The following ZNRF1 variants were observed in gnomAD, a reference collection of about 807,000 sequenced individuals.
The protein encoded by ZNRF1 is E3 ubiquitin-protein ligase ZNRF1.
ZNRF1 carries 3 observed loss-of-function variants against 18.4 expected under a neutral mutation model. The observed-to-expected ratio is 0.16, with a 90% CI of 0.07 to 0.42. ZNRF1 has a LOEUF of 0.42. Among genes scored for constraint, ZNRF1 ranks in the 10% least tolerant of loss-of-function variants. ZNRF1 has a pLI of 0.99. For synonymous variants in ZNRF1, 157 were observed against 144.2 expected, an observed-to-expected ratio of 1.09 and a Z score of -0.64; for missense variants, 310 against 329.8, an observed-to-expected ratio of 0.94 and a Z score of 0.47.
chr16:75,026,244 T>G (rs1028920785), intron 1 of ZNRF1, among the ~76,000 whole-genome samples: 7 of 152,154 alleles, frequency 4.6e-5, no homozygotes, highest in African/African-American at 1.7e-4. Context: ...AAGAAAAACA[T>G]TCTAAGGTTA....
intron 1 of ZNRF1, chr16:75,000,399 G>C (rs548667910): frequency 1.7e-6 from 1 of 571,810 alleles, no homozygotes; most frequent in South Asian, 1.5e-5. Flanking sequence ...GTCGTGTCTG[G>C]CTGAGAGCAA....
chr16:75,016,005 C>T (rs1261698421), intron 1 of ZNRF1, among the ~76,000 whole-genome samples: 3 of 150,798 alleles, frequency 2.0e-5, no homozygotes, highest in Non-Finnish European at 4.4e-5. Flanking sequence ...ACTGCAAGCT[C>T]CGCCTCCCGG....
intron 1 of ZNRF1, among the ~76,000 whole-genome samples, chr16:75,013,615 G>A (rs1376133897): frequency 6.6e-6 from 1 of 152,168 alleles, no homozygotes; most frequent in Non-Finnish European, 1.5e-5. Flanking sequence ...AGAGTGCTGG[G>A]ATTACAGGCG....
At chr16:75,063,551 C>T (rs546719955) in intron 1 of ZNRF1, among the ~76,000 whole-genome samples, 1 of 152,106 alleles carries the variant, frequency 6.6e-6, no homozygotes, top group African/African-American at 2.4e-5. Context: ...ATTTCGTTGG[C>T]ATGTTTTTAA....
At chr16:75,088,376 T>TA (rs1232293200) in intron 1 of ZNRF1, among the ~76,000 whole-genome samples, 1 of 152,208 alleles carries the variant, frequency 6.6e-6, no homozygotes, top group Non-Finnish European at 1.5e-5. Context: ...TTCAGCATCT[T>TA]ACAACCAGTG....
chr16:75,048,906 C>T (rs1323407006), intron 1 of ZNRF1, among the ~76,000 whole-genome samples: 1 of 152,134 alleles, frequency 6.6e-6, no homozygotes, highest in Non-Finnish European at 1.5e-5. Flanking sequence ...ATTTTAATGA[C>T]TATCCTTTTC....
chr16:75,083,528 G>T (rs2036040143), intron 1 of ZNRF1, among the ~76,000 whole-genome samples: 1 of 152,118 alleles, frequency 6.6e-6, no homozygotes, highest in South Asian at 2.1e-4. Flanking sequence ...TTTATAGTTG[G>T]TAAAAATTGA....
chr16:75,014,490 A>T (rs984684883), intron 1 of ZNRF1, among the ~76,000 whole-genome samples: 6 of 152,192 alleles, frequency 3.9e-5, no homozygotes, highest in African/African-American at 1.4e-4. Flanking sequence ...GCTATAGCAC[A>T]TTTATTTTCA....
At chr16:75,047,359 G>A (rs144159382) in intron 1 of ZNRF1, among the ~76,000 whole-genome samples, 2 of 152,232 alleles carry the variant, frequency 1.3e-5, no homozygotes, top group Admixed American at 1.3e-4. Context: ...TTTTTGTAGC[G>A]ATGGATTCTG....
rs748553320 is a variant in ZNRF1, at chr16:75,109,511, C to G, written c.*1811C>G. The stretch of plus-strand genomic sequence containing the variant: ...CTACTCTGTGCAAGGGCATTCACAA[C>G]AGGCCAGTGGGCAAACGTGAGCCAG... On this transcript the variant is annotated 3_prime_UTR_variant, in exon 5 of 5. Transcript: ENST00000335325. The G allele has an allele frequency of 6.5e-6, 1 of 152,870 alleles. No individual in the cohort carries two copies. Among genetic ancestry groups the G allele is most frequent in the Non-Finnish European group, 1.5e-5 (1 of 68,214 alleles). The allele number at this position is 152,870 out of a possible 1,614,324, so 9.5% of individuals were successfully genotyped here.
intron 1 of ZNRF1, among the ~76,000 whole-genome samples, chr16:75,050,490 C>T (rs964317708): frequency 1.3e-5 from 2 of 152,012 alleles, no homozygotes; most frequent in Admixed American, 6.6e-5. Context: ...TGTGCCACTG[C>T]ACTCCAGCCT....
chr16:75,096,580 G>A (rs1446123650), intron 2 of ZNRF1, among the ~76,000 whole-genome samples: 1 of 152,172 alleles, frequency 6.6e-6, no homozygotes, highest in African/African-American at 2.4e-5. Context: ...GGCTTTCTTA[G>A]TGAAGAGTTT....
At chr16:75,020,667 A>G (rs916757666) in intron 1 of ZNRF1, among the ~76,000 whole-genome samples, 1 of 151,634 alleles carries the variant, frequency 6.6e-6, no homozygotes, top group Non-Finnish European at 1.5e-5. Context: ...TCAGCCTCCC[A>G]AGTAGCTGGG....
At chr16:75,066,304 A>G (rs1313698615) in intron 1 of ZNRF1, among the ~76,000 whole-genome samples, 3 of 152,200 alleles carry the variant, frequency 2.0e-5, no homozygotes, top group Non-Finnish European at 4.4e-5. Flanking sequence ...CCCCCAAAAT[A>G]CAAGACTGGT....
intron 1 of ZNRF1, among the ~76,000 whole-genome samples, chr16:75,041,620 G>A (rs372959656): frequency 2.0e-5 from 3 of 151,894 alleles, no homozygotes; most frequent in African/African-American, 7.3e-5. Context: ...GTGAGCCACC[G>A]TGCCCAGTCC....
At chr16:75,068,037 C>A (rs548455070) in intron 1 of ZNRF1, among the ~76,000 whole-genome samples, 13 of 151,738 alleles carry the variant, frequency 8.6e-5, no homozygotes, top group South Asian at 2.1e-4. Flanking sequence ...TAAAAACTTT[C>A]AAACATTCAG....
At chr16:75,040,042 CTTTTTTTTTTTTTTT>C (rs57122648) in intron 1 of ZNRF1, among the ~76,000 whole-genome samples, 1 of 78,890 alleles carries the variant, frequency 1.3e-5, no homozygotes, top group East Asian at 3.5e-4. Context: ...TCTTTTCTTT[CTTTTTTTTTTTTTTT>C]TTTTTTTTTT....
chr16:75,079,022 T>C (rs1271669555), intron 1 of ZNRF1, among the ~76,000 whole-genome samples: 6 of 152,126 alleles, frequency 3.9e-5, no homozygotes, highest in Admixed American at 3.3e-4. Flanking sequence ...ACCTTCTCCT[T>C]CTCCCATTCT....
intron 1 of ZNRF1, among the ~76,000 whole-genome samples, chr16:75,075,331 A>G (rs983913369): frequency 2.0e-5 from 3 of 152,378 alleles, no homozygotes; most frequent in Non-Finnish European, 2.9e-5. Context: ...CAGTCTGTGC[A>G]CATGCACACA....
Sources: gnomAD v4.1 joint callset for allele counts (sites outside exome capture counted in the v4.1 genomes callset) on GRCh38, gnomAD v4.1.1 for gene constraint, MANE v1.5 for transcripts, NCBI Gene and HGNC (gene_info 2026-07-23, HGNC 2026-07-21) for gene names.